SULF1: variants seen among roughly 807,000 people sequenced by gnomAD.
SULF1 encodes the protein extracellular sulfatase Sulf-1.
In SULF1, 46 loss-of-function variants were observed where a neutral mutation model predicts 110.5. The ratio of observed to expected loss-of-function variants is 0.42; its 90% confidence interval spans 0.33 to 0.53. The LOEUF is 0.53. Among genes scored for constraint, SULF1 ranks in the 20% least tolerant of loss-of-function variants. The pLI is 0.12. For synonymous variants in SULF1, 371 were observed against 387.1 expected, an observed-to-expected ratio of 0.96 and a Z score of 0.49; for missense variants, 941 against 1,094.2, an observed-to-expected ratio of 0.86 and a Z score of 1.98.
At chr8:69,653,226 C>T (rs1468777832) in intron 22 of SULF1, among the ~76,000 whole-genome samples, 1 of 152,118 alleles carries the variant, frequency 6.6e-6, no homozygotes. Context: ...TGTGCCACCA[C>T]ACTCAGCTAA....
At chr8:69,508,111 T>TA (rs1368670901) in intron 3 of SULF1, among the ~76,000 whole-genome samples, 12 of 112,812 alleles carry the variant, frequency 1.1e-4, no homozygotes, top group South Asian at 2.7e-4. Context: ...TAATTATTAT[T>TA]TTTTTTTTTT....
At chr8:69,539,987 G>A (rs1447370049) in intron 3 of SULF1, among the ~76,000 whole-genome samples, 1 of 152,148 alleles carries the variant, frequency 6.6e-6, no homozygotes, top group Non-Finnish European at 1.5e-5. Context: ...CAGACAGAAG[G>A]CAAAAAGACC....
chr8:69,592,823 A>T (rs1192822776), intron 8 of SULF1: 1 of 709,688 alleles, frequency 1.4e-6, no homozygotes, highest in Non-Finnish European at 1.7e-6. Flanking sequence ...AGTGAGAGAA[A>T]TGACAACTTG....
At chr8:69,575,857 A>T in intron 5 of SULF1, 113 bp from the exon 6 acceptor site, 1 of 1,290,880 alleles carries the variant, frequency 7.7e-7, no homozygotes, top group East Asian at 2.5e-5. Context: ...GACTCCTTTA[A>T]GCTAAGGAAA....
chr8:69,621,215 A>C lies in SULF1; in HGVS notation c.1558A>C (p.Ser520Arg), dbSNP rs374818506. 6.2e-7 allele frequency: 1 copy of C among 1,613,896 alleles called. No individual in the cohort carries two copies. Among genetic ancestry groups the C allele is most frequent in the Non-Finnish European group, 8.5e-7 (1 of 1,179,852 alleles). Residue 520 changes from serine (S) to arginine (R), a missense_variant, in exon 14 of 23, where the codon AGT becomes CGT. Around this residue, in one of 3 missense-constraint regions of SULF1, gnomAD observed 822 missense variants for 934.3 expected, o/e 0.88. Coordinates refer to ENST00000402687, the MANE Select transcript of SULF1 (RefSeq NM_001128205.2). ...GYRASRSQRK[S>R]QRQFLRNQGT... Reference sequence around the variant, plus strand: ...CCGTGCCAGCAGAAGCCAAAGAAAGAGTCAACGGCAATTCTTGAGAAACCA... The same window carrying C: ...CCGTGCCAGCAGAAGCCAAAGAAAGCGTCAACGGCAATTCTTGAGAAACCA...
chr8:69,650,068 T>G (rs1812217259), intron 22 of SULF1, among the ~76,000 whole-genome samples: 1 of 139,238 alleles, frequency 7.2e-6, no homozygotes, highest in Non-Finnish European at 1.5e-5. Context: ...CAATCTTGGC[T>G]TACTGCAGGC....
chr8:69,629,383 G>A (rs1226403212), intron 18 of SULF1, 121 bp from the exon 19 acceptor site: 1 of 1,013,192 alleles, frequency 9.9e-7, no homozygotes. Flanking sequence ...ACAAAATGAA[G>A]GTCGTCCATT....
At chr8:69,477,892 C>T (rs1274918154) in intron 1 of SULF1, among the ~76,000 whole-genome samples, 1 of 151,920 alleles carries the variant, frequency 6.6e-6, no homozygotes, top group Admixed American at 6.6e-5. Flanking sequence ...GTGTCTCGCT[C>T]TGTCACTCAG....
At chr8:69,548,588 C>T (rs551676056) in intron 3 of SULF1, among the ~76,000 whole-genome samples, 9 of 150,296 alleles carry the variant, frequency 6.0e-5, no homozygotes, top group African/African-American at 2.2e-4. Flanking sequence ...GCTAGGATTA[C>T]AGGCATGCAC....
chr8:69,572,180 C>T (rs11996613), intron 5 of SULF1, among the ~76,000 whole-genome samples: 7,604 of 152,194 alleles, frequency 0.05, 489 homozygotes, highest in African/African-American at 0.15. Flanking sequence ...TGCAAGCAGA[C>T]GTCAATTCTG....
chr8:69,611,314 A>G (rs926742964), intron 13 of SULF1, among the ~76,000 whole-genome samples: 1 of 152,248 alleles, frequency 6.6e-6, no homozygotes. Context: ...AGGAATTACA[A>G]TAATCATACA....
At chr8:69,611,256 G>A (rs1808629977) in intron 13 of SULF1, among the ~76,000 whole-genome samples, 1 of 152,166 alleles carries the variant, frequency 6.6e-6, no homozygotes, top group Non-Finnish European at 1.5e-5. Flanking sequence ...CTCAACAAAT[G>A]CTGGTTGTCA....
At chr8:69,598,622 C>G (rs559093545) in intron 8 of SULF1, among the ~76,000 whole-genome samples, 140 of 152,254 alleles carry the variant, frequency 9.2e-4, no homozygotes, top group Non-Finnish European at 1.4e-3. Context: ...GAACTCCTGA[C>G]CTCAGGTGAT....
chr8:69,557,585 G>T (rs565107217), intron 3 of SULF1, among the ~76,000 whole-genome samples: 2 of 152,078 alleles, frequency 1.3e-5, no homozygotes, highest in Non-Finnish European at 2.9e-5. Flanking sequence ...TCCCTGAGAA[G>T]ACAGAGAGAA....
intron 6 of SULF1, 24 bp downstream of exon 6, chr8:69,576,233 A>G (rs755351926): frequency 3.7e-6 from 6 of 1,607,092 alleles, no homozygotes; most frequent in South Asian, 1.1e-5. Flanking sequence ...TTTCTAGCCC[A>G]TGAACGTCTT....
intron 13 of SULF1, among the ~76,000 whole-genome samples, chr8:69,610,042 G>T (rs983914150): frequency 6.6e-6 from 1 of 152,132 alleles, no homozygotes; most frequent in African/African-American, 2.4e-5. Context: ...ATATTATCTG[G>T]CATTTAAGTG....
chr8:69,616,513 T>C (rs1309961091), intron 13 of SULF1, among the ~76,000 whole-genome samples: 2 of 152,144 alleles, frequency 1.3e-5, no homozygotes, highest in African/African-American at 4.8e-5. Context: ...GTGATTCTCC[T>C]GCCTCAGCCT....
At chr8:69,480,790 G>C (rs1809484766) in intron 1 of SULF1, among the ~76,000 whole-genome samples, 1 of 149,490 alleles carries the variant, frequency 6.7e-6, no homozygotes, top group African/African-American at 2.5e-5. Context: ...TTTTAAAAAA[G>C]TTTTGTTTTT....
chr8:69,635,054 T>C (rs1408838080), intron 19 of SULF1, among the ~76,000 whole-genome samples: 2 of 152,166 alleles, frequency 1.3e-5, no homozygotes, highest in African/African-American at 4.8e-5. Context: ...CTGCAGCATC[T>C]CAAAGTGCTG....
Sources: allele counts gnomAD v4.1 joint callset (sites outside exome capture counted in the v4.1 genomes callset), GRCh38; gene constraint gnomAD v4.1.1; regional missense constraint gnomAD v4.1.1; transcripts MANE v1.5; gene names NCBI Gene and HGNC (gene_info 2026-07-23, HGNC 2026-07-21).